RLF: variants seen among roughly 807,000 people sequenced by gnomAD.
The protein encoded by RLF is zinc finger protein Rlf.
Under a neutral mutation model 162.9 loss-of-function variants are expected in RLF, and 7 were observed. That is an observed-to-expected ratio of 0.04 (90% CI 0.02 to 0.08). The LOEUF is 0.08. RLF is among the 10% of genes least tolerant of loss of function. The pLI is 1.00. For synonymous variants in RLF, 782 were observed against 791.5 expected, an observed-to-expected ratio of 0.99 and a Z score of 0.20; for missense variants, 1,664 against 2,244.7, an observed-to-expected ratio of 0.74 and a Z score of 5.23.
Position 40,206,911 on chromosome 1 carries a change from G to A in RLF, c.810+4297G>A, listed in dbSNP as rs1388295452. ...TGTTCAATATTACCATATCAGAGAG[G>A]CCTTCCTCGCTGTCTCATCTAAAAT... On this transcript the variant is annotated intron_variant, in intron 5 of 7. Coordinates refer to ENST00000372771, the MANE Select transcript of RLF (RefSeq NM_012421.4). Among the ~76,000 whole-genome samples, 6 of 152,226 alleles carry A rather than the reference G, an allele frequency of 3.9e-5. 1 individual carries two copies. The South Asian group carries it at 1.2e-3, about 32-fold the overall frequency.
chr1:40,238,402 G>A lies in RLF; in HGVS notation c.3700G>A (p.Asp1234Asn). 2 of 1,614,142 alleles carry A rather than the reference G, an allele frequency of 1.2e-6. No homozygotes were observed. The highest frequency in any genetic ancestry group is 2.2e-5 in the East Asian group (1 of 44,878). Residue 1234 changes from aspartate to asparagine, a missense_variant, in exon 8 of 8, where the codon GAT becomes AAT. By Grantham distance (23) the Asp-to-Asn change is conservative. Around this residue, in one of 15 missense-constraint regions of RLF, gnomAD observed 102 missense variants for 109.5 expected, o/e 0.93. Coordinates refer to ENST00000372771, the MANE Select transcript of RLF (RefSeq NM_012421.4). The surrounding 1 kb of genome is among the most constrained non-coding windows in gnomAD (Gnocchi z 5.2). ...TGATTGTTCTGCAGAACTTGGAGGT[G>A]ATCCCAGTAGTAACTCTGAGAAACC... Reference protein sequence around the residue: ...KGDCSAELGGDPSSNSEKPHC... With the variant: ...KGDCSAELGGNPSSNSEKPHC...
intron 1 of RLF, among the ~76,000 whole-genome samples, chr1:40,177,560 T>C (rs1326277430): frequency 6.6e-6 from 1 of 152,164 alleles, no homozygotes; most frequent in African/African-American, 2.4e-5. Context: ...CCCAAAGTGC[T>C]GGGATTACAG....
Position 40,240,364 on chromosome 1 carries a change from C to A in RLF, c.5662C>A (p.Leu1888Ile). 6.2e-7 allele frequency: 1 copy of A among 1,614,134 alleles called. No homozygotes were observed. Among genetic ancestry groups the A allele is most frequent in the South Asian group, 1.1e-5 (1 of 91,084 alleles). ...QLHYLRPVVVLERSKFSTPIL... is the reference protein window; with the variant it reads ...QLHYLRPVVVIERSKFSTPIL... ...TCATTATCTTCGGCCAGTGGTGGTT[C>A]TTGAAAGATCTAAGTTTTCCACACC... Residue 1888 changes from leucine to isoleucine, a missense_variant, in exon 8 of 8, where the codon CTT becomes ATT. Physicochemically the swap from Leu to Ile is conservative, Grantham distance 5. Around this residue, in one of 15 missense-constraint regions of RLF, gnomAD observed 27 missense variants for 52.5 expected, o/e 0.51. Coordinates refer to ENST00000372771, the MANE Select transcript of RLF (RefSeq NM_012421.4).
chr1:40,232,419 GCACAA>G (rs2124560105), intron 7 of RLF, among the ~76,000 whole-genome samples: 1 of 152,252 alleles, frequency 6.6e-6, no homozygotes, highest in East Asian at 1.9e-4. Flanking sequence ...CAGAAATCCA[GCACAA>G]TGTGGCAGGA....
rs960252031 is a variant in RLF at position 40,231,521 on chromosome 1, C to G, written c.952C>G (p.Leu318Val). 6.2e-7 allele frequency: 1 copy of G among 1,612,218 alleles called. No homozygotes were observed. ...QTASVYCSWELTLFWSKLQRR... is the reference protein window; with the variant it reads ...QTASVYCSWEVTLFWSKLQRR... The stretch of plus-strand genomic sequence containing the variant: ...CATGATCTTCTTTTTTTATAGGGAA[C>G]TGACTCTTTTTTGGAGTAAACTGCA... The change falls in exon 7 of 8, where the codon CTG becomes GTG. Residue 318 changes from leucine to valine, a missense_variant. Leu to Val is a conservative substitution (Grantham distance 32). Around this residue, in one of 15 missense-constraint regions of RLF, gnomAD observed 287 missense variants for 404.9 expected, o/e 0.71. Transcript: ENST00000372771.
At position 40,238,912 on chromosome 1, in the gene RLF, G is replaced by A. The variant is rs754740623; in HGVS notation, c.4210G>A (p.Ala1404Thr). 1.9e-6 allele frequency: 3 copies of A among 1,614,220 alleles called. No homozygotes were observed. Among genetic ancestry groups the A allele is most frequent in the Non-Finnish European group, 2.5e-6 (3 of 1,180,036 alleles). The change falls in exon 8 of 8, where the codon GCA becomes ACA. Residue 1404 changes from alanine to threonine, a missense_variant. Physicochemically the swap from Ala to Thr is moderately conservative, Grantham distance 58. Coordinates refer to ENST00000372771, the MANE Select transcript of RLF (RefSeq NM_012421.4). This position sits in a 1 kb window ranked among gnomAD's most constrained non-coding sequence, Gnocchi z 5.2. ...TAAAGTACTTTCCGAAGCTGGATCTGCAGCAAGGTTTTCTTGTAACCAGCC... is the reference window on the plus strand; with the variant it reads ...TAAAGTACTTTCCGAAGCTGGATCTACAGCAAGGTTTTCTTGTAACCAGCC... The part of the protein sequence containing the change: ...EPKVLSEAGS[A>T]ARFSCNQPQC...
At chr1:40,183,786 C>T (rs1341106842) in intron 1 of RLF, among the ~76,000 whole-genome samples, 1 of 151,926 alleles carries the variant, frequency 6.6e-6, no homozygotes, top group African/African-American at 2.4e-5. Context: ...AGTGGCTCCT[C>T]ATTTTTGAAA....
At chr1:40,227,389 C>T (rs770911961) in intron 6 of RLF, among the ~76,000 whole-genome samples, 83 of 152,034 alleles carry the variant, frequency 5.5e-4, no homozygotes, top group Non-Finnish European at 9.6e-4. Flanking sequence ...AAGAACTTAT[C>T]CTAGCGCATG....
intron 5 of RLF, among the ~76,000 whole-genome samples, chr1:40,220,096 C>G (rs759649562): frequency 6.6e-6 from 1 of 152,056 alleles, no homozygotes; most frequent in Non-Finnish European, 1.5e-5. Context: ...ATTAGCCGGG[C>G]GTGGTGTAGT....
intron 5 of RLF, among the ~76,000 whole-genome samples, chr1:40,220,847 C>T (rs1420521715): frequency 1.3e-5 from 2 of 151,822 alleles, no homozygotes; most frequent in Non-Finnish European, 2.9e-5. Context: ...AATAATAGGG[C>T]CAGGGCATTG....
chr1:40,180,567 T>C (rs1269395639), intron 1 of RLF, among the ~76,000 whole-genome samples: 1 of 152,098 alleles, frequency 6.6e-6, no homozygotes, highest in Non-Finnish European at 1.5e-5. Flanking sequence ...TGACCTCTTT[T>C]ATTTTACATG....
chr1:40,211,939 C>T (rs886477245), intron 5 of RLF, among the ~76,000 whole-genome samples: 1 of 152,210 alleles, frequency 6.6e-6, no homozygotes. Flanking sequence ...ACTAGTCAGT[C>T]TCTTATCCTA....
intron 1 of RLF, among the ~76,000 whole-genome samples, chr1:40,183,460 C>T (rs563385577): frequency 3.9e-5 from 6 of 152,114 alleles, no homozygotes; most frequent in African/African-American, 1.4e-4. Context: ...AAACATTCCC[C>T]AGAAGCATTC....
chr1:40,216,402 C>T (rs1391999456), intron 5 of RLF, among the ~76,000 whole-genome samples: 1 of 151,328 alleles, frequency 6.6e-6, no homozygotes, highest in Non-Finnish European at 1.5e-5. Flanking sequence ...GCAGGAGAAT[C>T]GCTTGAACCC....
intron 6 of RLF, 72 bp from the exon 7 acceptor site, chr1:40,231,445 T>C (rs751543917): frequency 7.2e-7 from 1 of 1,390,794 alleles, no homozygotes; most frequent in Non-Finnish European, 9.9e-7. Flanking sequence ...GATCAAAAAA[T>C]TGGGTTGCCG....
At chr1:40,228,974 T>G (rs775501743) in intron 6 of RLF, among the ~76,000 whole-genome samples, 27 of 152,092 alleles carry the variant, frequency 1.8e-4, no homozygotes, top group Non-Finnish European at 3.1e-4. Flanking sequence ...GGCTAAGCTT[T>G]TTTTGTTTGG....
At chr1:40,175,707 A>G (rs991971613) in intron 1 of RLF, among the ~76,000 whole-genome samples, 14 of 148,804 alleles carry the variant, frequency 9.4e-5, no homozygotes, top group African/African-American at 3.5e-4. Context: ...AATCTCTTGA[A>G]CCCGGGAAGT....
intron 5 of RLF, among the ~76,000 whole-genome samples, chr1:40,210,366 G>GGGTTTGGATGGGTGGAAAGAAT (rs1642850616): frequency 6.6e-6 from 1 of 152,178 alleles, no homozygotes; most frequent in South Asian, 2.1e-4. Context: ...AGTAATGGTG[G>GGGTTTGGATGGGTGGAAAGAAT]GGTTTGGATG....
intron 1 of RLF, among the ~76,000 whole-genome samples, chr1:40,178,335 A>C (rs981476497): frequency 2.6e-5 from 4 of 152,068 alleles, no homozygotes; most frequent in Non-Finnish European, 5.9e-5. Context: ...AATATAATAT[A>C]CTATAAAAGC....
Sources: allele counts gnomAD v4.1 joint callset (sites outside exome capture counted in the v4.1 genomes callset), GRCh38; gene constraint gnomAD v4.1.1; regional missense constraint gnomAD v4.1.1; non-coding constraint Gnocchi (gnomAD v3.1); transcripts MANE v1.5; gene names NCBI Gene and HGNC (gene_info 2026-07-23, HGNC 2026-07-21).